The following AK9 variants were observed in gnomAD, a reference collection of about 807,000 sequenced individuals.
The protein encoded by AK9 is adenylate kinase 9, also known as adenylate kinase domain containing 1.
Under a neutral mutation model 239.6 loss-of-function variants are expected in AK9, and 191 were observed. The ratio of observed to expected loss-of-function variants is 0.80; its 90% confidence interval spans 0.71 to 0.90. The LOEUF (loss-of-function observed/expected upper bound fraction) is 0.90, where lower values mean the gene tolerates loss of function less well. AK9 is among the 40% of genes least tolerant of loss of function. AK9 has a pLI of 0.00. For synonymous variants in AK9, 689 were observed against 721.0 expected, an observed-to-expected ratio of 0.96 and a Z score of 0.71; for missense variants, 1,995 against 2,214.7, an observed-to-expected ratio of 0.90 and a Z score of 1.99.
intron 6 of AK9, chr6:109,660,994 CACATAT>C (rs768488145): frequency 4.0e-6 from 2 of 503,036 alleles, no homozygotes; most frequent in Admixed American, 2.1e-5. Flanking sequence ...CAGAAAAATT[CACATAT>C]ACATAAAGTT....
chr6:109,547,582 A>G (rs1039982687), intron 25 of AK9, among the ~76,000 whole-genome samples: 18 of 152,208 alleles, frequency 1.2e-4, no homozygotes, highest in Admixed American at 1.2e-3. Flanking sequence ...ACCTGAATAT[A>G]TAAAACTGCT....
chr6:109,616,857 T>A lies in AK9; in HGVS notation c.1399+2235A>T, dbSNP rs144168687. Among the ~76,000 whole-genome samples the A allele has an allele frequency of 4.0e-3, 607 of 152,084 alleles. 8 individuals are homozygous for A. The highest frequency in any genetic ancestry group is 0.014 in the African/African-American group (580 of 41,502). On this transcript the variant is annotated intron_variant, in intron 13 of 40. Transcript: ENST00000424296. ...AATATAAGTATTGGAAAAAGAGGGG[T>A]TTAAACTATACTTCTTTTCAAATTA...
chr6:109,506,265 G>A (rs1046699523), intron 35 of AK9, 62 bp downstream of exon 35: 2 of 1,468,924 alleles, frequency 1.4e-6, no homozygotes, highest in Non-Finnish European at 9.4e-7. Context: ...ACAGTAACAT[G>A]AGTCAGGCAT....
At chr6:109,511,775 T>C (rs1778776059) in intron 32 of AK9, among the ~76,000 whole-genome samples, 1 of 152,076 alleles carries the variant, frequency 6.6e-6, no homozygotes, top group Admixed American at 6.6e-5. Context: ...TGGAACGAAA[T>C]CTGTTTTTTT....
intron 37 of AK9, 72 bp from the exon 38 acceptor site, chr6:109,497,635 A>G: frequency 2.9e-6 from 4 of 1,364,314 alleles, no homozygotes; most frequent in African/African-American, 1.5e-5. Flanking sequence ...ATAAAAAGTC[A>G]AAAGTATTTT....
chr6:109,570,712 C>T (rs185829794), intron 21 of AK9, among the ~76,000 whole-genome samples: 302 of 152,150 alleles, frequency 2.0e-3, no homozygotes, highest in African/African-American at 6.4e-3. Context: ...AGAAGATTAA[C>T]GTGGTTGAGA....
chr6:109,644,912 T>C (rs1365416149), intron 8 of AK9, among the ~76,000 whole-genome samples: 2 of 152,250 alleles, frequency 1.3e-5, no homozygotes, highest in African/African-American at 4.8e-5. Context: ...CTTTTTTCTC[T>C]ACTTTGATGC....
intron 29 of AK9, among the ~76,000 whole-genome samples, chr6:109,523,163 C>T (rs1404872949): frequency 1.3e-5 from 2 of 151,990 alleles, no homozygotes; most frequent in Non-Finnish European, 2.9e-5. Flanking sequence ...TCTTACTTTG[C>T]TTTGGCTCAC....
intron 17 of AK9, among the ~76,000 whole-genome samples, chr6:109,597,090 C>T (rs1043504116): frequency 3.3e-5 from 5 of 151,900 alleles, no homozygotes; most frequent in African/African-American, 1.2e-4. Context: ...TTTTTTACAA[C>T]ATCTGTAAAT....
intron 12 of AK9, among the ~76,000 whole-genome samples, chr6:109,619,651 T>C (rs1050868265): frequency 2.0e-5 from 3 of 152,048 alleles, no homozygotes; most frequent in African/African-American, 7.2e-5. Flanking sequence ...AATCAAGATA[T>C]AGAACATTTG....
At chr6:109,528,447 A>G (rs955912120) in intron 29 of AK9, 18 of 414,904 alleles carry the variant, frequency 4.3e-5, no homozygotes, top group Non-Finnish European at 8.2e-5. Flanking sequence ...TGAATAAATG[A>G]ATGAAAATCG....
At chr6:109,616,158 G>A (rs919581078) in intron 13 of AK9, among the ~76,000 whole-genome samples, 7 of 151,906 alleles carry the variant, frequency 4.6e-5, no homozygotes, top group African/African-American at 1.7e-4. Context: ...TATAAGTATT[G>A]GAAAAAGAGG....
chr6:109,620,745 A>G (rs571092307), intron 12 of AK9, among the ~76,000 whole-genome samples: 2 of 151,966 alleles, frequency 1.3e-5, no homozygotes, highest in African/African-American at 4.8e-5. Flanking sequence ...ATATGAATAC[A>G]TATGTATGGT....
intron 12 of AK9, among the ~76,000 whole-genome samples, chr6:109,627,879 G>C (rs1185019243): frequency 3.3e-5 from 5 of 152,112 alleles, no homozygotes; most frequent in African/African-American, 1.2e-4. Flanking sequence ...CAAACTCTTG[G>C]CTTCAAGTTA....
chr6:109,564,213 C>T lies in AK9; in HGVS notation c.2502G>A (p.Lys834=). ...TCCAGAGGATGATGAAAGAACCAATCTTCTCTTTAAATGGCTCCATTTCGG... is the reference window on the plus strand; with the variant it reads ...TCCAGAGGATGATGAAAGAACCAATTTTCTCTTTAAATGGCTCCATTTCGG... ...DVPEMEPFKE[K]IGSFIILWKQ... Residue 834 remains lysine, a synonymous_variant, in exon 23 of 41, where the codon AAG becomes AAA. Transcript: ENST00000424296. 6.4e-7 allele frequency: 1 copy of T among 1,551,394 alleles called. No homozygotes were observed.
chr6:109,562,287 T>C (rs1441824175), intron 24 of AK9, among the ~76,000 whole-genome samples: 1 of 152,248 alleles, frequency 6.6e-6, no homozygotes, highest in Non-Finnish European at 1.5e-5. Flanking sequence ...GGCTAAACTA[T>C]GGTCATACCA....
chr6:109,552,230 G>T (rs1408975315), intron 24 of AK9, among the ~76,000 whole-genome samples: 3 of 152,022 alleles, frequency 2.0e-5, no homozygotes, highest in Admixed American at 6.5e-5. Context: ...AGTGCTAATG[G>T]GATTGCTGAG....
intron 29 of AK9, among the ~76,000 whole-genome samples, chr6:109,523,439 C>G (rs371919961): frequency 5.3e-5 from 8 of 152,134 alleles, no homozygotes; most frequent in African/African-American, 1.4e-4. Context: ...TATTTAACCT[C>G]TAGCAGATAA....
rs1199640337 is a variant in AK9 at position 109,614,315 on chromosome 6, A to G, written c.1496-19T>C. On this transcript the variant is annotated intron_variant, in intron 14 of 40. Coordinates refer to ENST00000424296, the MANE Select transcript of AK9 (RefSeq NM_001145128.3). ...ATGTACCCTGCAATGAAAGAATAAT[A>G]TACTTTATCAGCTAATCTATTTATA... is the stretch of plus-strand genomic sequence containing the variant. 1 of 1,549,932 alleles carries G rather than the reference A, an allele frequency of 6.5e-7. No homozygotes were observed. The highest frequency in any genetic ancestry group is 2.0e-5 in the Admixed American group (1 of 50,972).
Sources: gnomAD v4.1 joint callset for allele counts (sites outside exome capture counted in the v4.1 genomes callset) on GRCh38, gnomAD v4.1.1 for gene constraint, MANE v1.5 for transcripts, NCBI Gene and HGNC (gene_info 2026-07-23, HGNC 2026-07-21) for gene names.